Variants in DDX60 observed in about 807,000 individuals in gnomAD.
DDX60 encodes the protein probable ATP-dependent RNA helicase DDX60.
DDX60 carries 165 observed loss-of-function variants against 212.8 expected under a neutral mutation model. The observed-to-expected ratio is 0.78, with a 90% CI of 0.68 to 0.88. DDX60 has a LOEUF of 0.88. DDX60 is among the 40% of genes least tolerant of loss of function. The probability of loss-of-function intolerance (pLI) is 0.00; values close to 1 mark genes in which losing one functional copy is unlikely to be tolerated. For missense variants in DDX60, 1,905 were observed against 2,003.9 expected (o/e 0.95, Z 0.94); for synonymous variants, 703 against 685.3 (o/e 1.03, Z -0.40).
intron 6 of DDX60, among the ~76,000 whole-genome samples, chr4:168,298,957 T>C (rs1415819441): frequency 1.3e-5 from 2 of 151,724 alleles, no homozygotes; most frequent in Admixed American, 1.3e-4. Context: ...GGTCAAGAGA[T>C]TGAAACCATC....
rs1736884307 is a variant in DDX60, at chr4:168,306,520, T to C, written c.465A>G (p.Thr155=). Residue 155 remains threonine (T), a synonymous_variant, in exon 5 of 38, where the codon ACA becomes ACG. Coordinates refer to ENST00000393743, the MANE Select transcript of DDX60 (RefSeq NM_017631.6). Reference sequence around the variant, plus strand: ...GAATGATTAAAAAGTTGAAAAGCTGTGTTTGTAGATCGTTCAGGCCTTCGT... The same window carrying C: ...GAATGATTAAAAAGTTGAAAAGCTGCGTTTGTAGATCGTTCAGGCCTTCGT... ...VADEGLNDLQ[T]QLFNFLIIHS... is the part of the protein sequence containing the mutation. 1.2e-6 allele frequency: 2 copies of C among 1,614,156 alleles called. No individual in the cohort carries two copies. The highest frequency in any genetic ancestry group is 1.7e-6 in the Non-Finnish European group (2 of 1,180,016).
intron 8 of DDX60, 57 bp from the exon 9 acceptor site, chr4:168,288,372 T>G: frequency 8.2e-7 from 1 of 1,226,050 alleles, no homozygotes; most frequent in South Asian, 1.4e-5. Context: ...CAATAAACTA[T>G]AGGGTTCATA....
chr4:168,315,764 T>C (rs1737341266), intron 1 of DDX60, among the ~76,000 whole-genome samples: 1 of 152,228 alleles, frequency 6.6e-6, no homozygotes, highest in African/African-American at 2.4e-5. Context: ...ACTCATTCTT[T>C]TTTATGGCTG....
intron 1 of DDX60, among the ~76,000 whole-genome samples, chr4:168,312,689 A>T (rs906600512): frequency 7.7e-6 from 1 of 130,144 alleles, no homozygotes; most frequent in African/African-American, 3.1e-5. Context: ...GATAGTAGAT[A>T]GATTGATTGA....
At chr4:168,223,251 G>A (rs531328488) in intron 35 of DDX60, among the ~76,000 whole-genome samples, 2 of 152,012 alleles carry the variant, frequency 1.3e-5, no homozygotes, top group South Asian at 4.2e-4. Context: ...TGCTATAAAA[G>A]ATATATTTGT....
At chr4:168,286,360 A>G (rs1735848061) in intron 10 of DDX60, among the ~76,000 whole-genome samples, 1 of 146,776 alleles carries the variant, frequency 6.8e-6, no homozygotes, top group South Asian at 2.1e-4. Flanking sequence ...ATATGATTAC[A>G]GTATTCTCTT....
chr4:168,283,674 A>C (rs1422011591), intron 12 of DDX60, 68 bp from the exon 13 acceptor site: 4 of 1,163,694 alleles, frequency 3.4e-6, no homozygotes, highest in Middle Eastern at 2.3e-4. Context: ...TCAATTCTTC[A>C]TATTATTCCA....
intron 11 of DDX60, 113 bp from the exon 12 acceptor site, chr4:168,285,048 T>C (rs1457539410): frequency 1.7e-6 from 1 of 592,796 alleles, no homozygotes; most frequent in African/African-American, 1.9e-5. Flanking sequence ...CTTTCTGCAA[T>C]ATGATGTGGG....
chr4:168,310,601 T>C (rs540069314), intron 3 of DDX60, among the ~76,000 whole-genome samples: 6 of 152,248 alleles, frequency 3.9e-5, no homozygotes, highest in African/African-American at 1.4e-4. Flanking sequence ...AGCTACAAGA[T>C]AGACAATAGA....
chr4:168,258,589 T>G (rs1734506570), intron 25 of DDX60, among the ~76,000 whole-genome samples: 1 of 152,214 alleles, frequency 6.6e-6, no homozygotes, highest in Non-Finnish European at 1.5e-5. Context: ...TCACAGTTTA[T>G]TTTGTAGAGA....
chr4:168,304,188 G>A (rs1281201522), intron 5 of DDX60, among the ~76,000 whole-genome samples: 2 of 152,132 alleles, frequency 1.3e-5, no homozygotes, highest in Admixed American at 1.3e-4. Context: ...TATTCCAGAA[G>A]AAGGCATTGT....
chr4:168,291,891 A>G lies in DDX60; in HGVS notation c.898T>C (p.Leu300=). 1 of 1,610,018 alleles carries G rather than the reference A, an allele frequency of 6.2e-7. No homozygotes were observed. Among genetic ancestry groups the G allele is most frequent in the Non-Finnish European group, 8.5e-7 (1 of 1,178,656 alleles). ...TEIQQVNSNC[L]TLQEMEDLCK... ...AAATCTTCCATCTCCTGCAGGGTTA[A>G]GCAATTACTGTTCACCTGAATAAAA... The change falls in exon 8 of 38, where the codon TTA becomes CTA. Residue 300 remains leucine, a synonymous_variant. Coordinates refer to ENST00000393743, the MANE Select transcript of DDX60 (RefSeq NM_017631.6).
At chr4:168,271,053 T>C (rs373398239) in intron 19 of DDX60, among the ~76,000 whole-genome samples, 1 of 151,928 alleles carries the variant, frequency 6.6e-6, no homozygotes, top group Non-Finnish European at 1.5e-5. Context: ...AATTTTTGTA[T>C]TTTTAGTAGA....
chr4:168,276,373 G>A (rs1735341942), intron 14 of DDX60, among the ~76,000 whole-genome samples, 192 bp from the exon 15 acceptor site: 1 of 152,132 alleles, frequency 6.6e-6, no homozygotes, highest in Non-Finnish European at 1.5e-5. Flanking sequence ...GGATTGTTGA[G>A]ATGTAGCTAT....
At chr4:168,324,294 A>G in the DDX60 span, among the ~76,000 whole-genome samples, 3 of 152,178 alleles carry the variant, frequency 2.0e-5, no homozygotes, top group Non-Finnish European at 4.4e-5. Flanking sequence ...AAATGCCAAC[A>G]CAATGGTGTA....
intron 16 of DDX60, among the ~76,000 whole-genome samples, chr4:168,274,574 G>A (rs761514193): frequency 1.1e-4 from 17 of 152,262 alleles, no homozygotes; most frequent in South Asian, 6.2e-4. Context: ...TAGAAGGTGG[G>A]AAAACAACTC....
chr4:168,247,680 G>A (rs1236175072), intron 29 of DDX60, among the ~76,000 whole-genome samples: 3 of 152,190 alleles, frequency 2.0e-5, no homozygotes, highest in East Asian at 1.9e-4. Context: ...AAGAACGTAC[G>A]ATGAAAGATG....
In DDX60 at chr4:168,311,422, A is replaced by G. The variant is rs1163026421; in HGVS notation, c.-106-57T>C. The stretch of plus-strand genomic sequence containing the variant: ...TTCAACAAACATGTATTGAATGACT[A>G]CTATATGTAAAGCAAAATATTAGAC... On this transcript the variant is annotated intron_variant, in intron 1 of 37. Transcript: ENST00000393743. 3 of 653,734 alleles carry G rather than the reference A, an allele frequency of 4.6e-6. No homozygotes were observed. The African/African-American group carries it at 5.5e-5, about 12-fold the overall frequency. The allele number at this position is 653,734 out of a possible 1,614,324, so 40.5% of individuals were successfully genotyped here.
At position 168,255,680 on chromosome 4, in the gene DDX60, T is replaced by C. The variant is rs756343525; in HGVS notation, c.3557+31A>G. On this transcript the variant is annotated intron_variant, in intron 26 of 37. Coordinates refer to ENST00000393743, the MANE Select transcript of DDX60 (RefSeq NM_017631.6). ...GGACTTGGGGAGTATTTTAACCCTC[T>C]ACTTATCAATTTGTTTAGTTAACTA... is the stretch of plus-strand genomic sequence containing the variant. 7.8e-6 allele frequency: 12 copies of C among 1,543,016 alleles called. No individual in the cohort carries two copies. In the South Asian group the frequency reaches 1.5e-4, roughly 19 times the overall value.
Sources: allele counts gnomAD v4.1 joint callset (sites outside exome capture counted in the v4.1 genomes callset), GRCh38; gene constraint gnomAD v4.1.1; transcripts MANE v1.5; gene names NCBI Gene and HGNC (gene_info 2026-07-23, HGNC 2026-07-21).